SLC26A3: variants seen among roughly 807,000 people sequenced by gnomAD.
SLC26A3 encodes solute carrier family 26 member 3.
In SLC26A3, 64 loss-of-function variants were observed where a neutral mutation model predicts 85.6. The observed-to-expected ratio is 0.75, with a 90% CI of 0.61 to 0.92. The LOEUF is 0.92. SLC26A3 is among the 40% of genes least tolerant of loss of function. The pLI is 0.00. For missense variants in SLC26A3, 922 were observed against 927.3 expected (o/e 0.99, Z 0.07); for synonymous variants, 349 against 336.0 (o/e 1.04, Z -0.42).
At chr7:107,773,852 A>C in intron 17 of SLC26A3, 68 bp downstream of exon 17, 2 of 1,352,044 alleles carry the variant, frequency 1.5e-6, no homozygotes, top group Admixed American at 3.8e-5. Context: ...TGCCCAGCCC[A>C]CAAATACAAT....
chr7:107,779,706 C>T lies in SLC26A3; in HGVS notation c.1369G>A (p.Glu457Lys), dbSNP rs2115832531. 1 of 1,614,040 alleles carries T rather than the reference C, an allele frequency of 6.2e-7. No homozygotes were observed. Among genetic ancestry groups the T allele is most frequent in the African/African-American group, 1.3e-5 (1 of 75,028 alleles). Reference protein sequence around the residue: ...NLKGMLMQFAEIGRLWRKDKY... With the variant: ...NLKGMLMQFAKIGRLWRKDKY... Reference sequence around the variant, plus strand: ...TCCTTTCGCCACAATCTGCCTATTTCAGCAAACTGCATCAGCATTCCCTTT... The same window carrying T: ...TCCTTTCGCCACAATCTGCCTATTTTAGCAAACTGCATCAGCATTCCCTTT... The change falls in exon 12 of 21, where the codon GAA becomes AAA. Residue 457 changes from glutamate (E) to lysine (K), a missense_variant. By Grantham distance (56) the Glu-to-Lys change is moderately conservative. Coordinates refer to ENST00000340010, the MANE Select transcript of SLC26A3 (RefSeq NM_000111.3).
chr7:107,790,605 A>G (rs1794379148), intron 5 of SLC26A3, among the ~76,000 whole-genome samples: 1 of 152,174 alleles, frequency 6.6e-6, no homozygotes, highest in African/African-American at 2.4e-5. Flanking sequence ...CAAAATTGAC[A>G]TGAACAGTTC....
intron 17 of SLC26A3, among the ~76,000 whole-genome samples, chr7:107,773,714 C>A (rs1225321702): frequency 6.6e-6 from 1 of 152,196 alleles, no homozygotes; most frequent in Non-Finnish European, 1.5e-5. Context: ...CCACACCCAG[C>A]TGATTTTTGT....
At position 107,776,713 on chromosome 7, in the gene SLC26A3, G is replaced by A. The variant is rs767465815; in HGVS notation, c.1515-7C>T. 3.8e-5 allele frequency: 61 copies of A among 1,612,234 alleles called. No individual in the cohort carries two copies. Among genetic ancestry groups the A allele is most frequent in the Non-Finnish European group, 5.2e-5 (61 of 1,179,220 alleles). On this transcript the variant is annotated splice_region_variant and splice_polypyrimidine_tract_variant and intron_variant, in intron 13 of 20. Transcript: ENST00000340010. ...CAGCGTGCTGCATTTTGGACTGTAG[G>A]GAGAAAAACACCAAGTAAATCATTC...
chr7:107,800,230 C>T (rs1391444039), intron 1 of SLC26A3, among the ~76,000 whole-genome samples: 1 of 152,202 alleles, frequency 6.6e-6, no homozygotes, highest in African/African-American at 2.4e-5. Flanking sequence ...TGCAGTGGCT[C>T]ATGCCTGTAA....
At position 107,767,825 on chromosome 7, in the gene SLC26A3, C is replaced by T; in HGVS notation, c.2146G>A (p.Ala716Thr). The stretch of plus-strand genomic sequence containing the variant: ...TTCTTCATCAAAATATGCAAAACAG[C>T]ATCATGGATTGTTAAGAAAAATATT... ...SSIFFLTIHD[A>T]VLHILMKKDY... The change falls in exon 19 of 21, where the codon GCT becomes ACT. Residue 716 changes from alanine (A) to threonine (T), a missense_variant. Ala to Thr is a moderately conservative substitution (Grantham distance 58). Coordinates refer to ENST00000340010, the MANE Select transcript of SLC26A3 (RefSeq NM_000111.3). The T allele has an allele frequency of 2.5e-6, 4 of 1,613,520 alleles. No individual in the cohort carries two copies. Among genetic ancestry groups the T allele is most frequent in the Non-Finnish European group, 3.4e-6 (4 of 1,179,582 alleles).
At position 107,778,252 on chromosome 7, in the gene SLC26A3, G is replaced by A. The variant is rs1364717319; in HGVS notation, c.1437C>T (p.Thr479=). The change falls in exon 13 of 21, where the codon ACC becomes ACT. Residue 479 remains threonine, a synonymous_variant. Coordinates refer to ENST00000340010, the MANE Select transcript of SLC26A3 (RefSeq NM_000111.3). ...GGCCTAACCCGAGTCCCAGGACAAT[G>A]GTGAAGATGAAGGTCATGATCCAAA... The part of the protein sequence containing the change: ...CLIWIMTFIF[T]IVLGLGLGLA... 1.2e-6 allele frequency: 2 copies of A among 1,613,330 alleles called. No individual in the cohort carries two copies. The highest frequency in any genetic ancestry group is 1.7e-6 in the Non-Finnish European group (2 of 1,179,546).
At chr7:107,787,222 C>T in intron 7 of SLC26A3, 135 bp downstream of exon 7, 1 of 883,006 alleles carries the variant, frequency 1.1e-6, no homozygotes, top group Non-Finnish European at 1.8e-6. Flanking sequence ...AAAATAAAAC[C>T]ATGCTAAACA....
In SLC26A3 at chr7:107,776,839, A is replaced by G. The variant is rs1023861557; in HGVS notation, c.1515-133T>C. 7 of 790,548 alleles carry G rather than the reference A, an allele frequency of 8.9e-6. No homozygotes were observed. The Admixed American group carries it at 9.9e-5, about 11-fold the overall frequency. The allele number at this position is 790,548 out of a possible 1,614,324, so 49.0% of individuals were successfully genotyped here. A position where few individuals can be genotyped will look rare whatever the true frequency, so the allele number is the denominator to read the frequency against. On this transcript the variant is annotated intron_variant, in intron 13 of 20. Coordinates refer to ENST00000340010, the MANE Select transcript of SLC26A3 (RefSeq NM_000111.3). ...TAAAAGGTTGGGGAATCATCATGCC[A>G]TCAGAGACTCTGGAAGGTGAACACC...
chr7:107,766,723 T>C (rs1470629962), intron 20 of SLC26A3, among the ~76,000 whole-genome samples: 1 of 152,176 alleles, frequency 6.6e-6, no homozygotes, highest in Non-Finnish European at 1.5e-5. Context: ...AAATTCTTTC[T>C]CTGGTCCCTC....
chr7:107,781,576 G>T (rs1423029803), intron 11 of SLC26A3, among the ~76,000 whole-genome samples: 10 of 152,116 alleles, frequency 6.6e-5, no homozygotes, highest in Admixed American at 6.6e-4. Flanking sequence ...TTTTTATTGA[G>T]ATAACATTCT....
chr7:107,778,062 G>T, intron 13 of SLC26A3, 113 bp downstream of exon 13: 1 of 760,918 alleles, frequency 1.3e-6, no homozygotes, highest in Non-Finnish European at 2.3e-6. Flanking sequence ...CATCCTGATA[G>T]AAATGCACAC....
At position 107,794,237 on chromosome 7, in the gene SLC26A3, G is replaced by A; in HGVS notation, c.131+142C>T. On this transcript the variant is annotated intron_variant, in intron 2 of 20. Transcript: ENST00000340010. ...ACACTACCTTTCCAACTCTGTCAGG[G>A]AGTAGGAGGTTTGGAAACTAAAGAG... is the stretch of plus-strand genomic sequence containing the variant. 3 of 941,194 alleles carry A rather than the reference G, an allele frequency of 3.2e-6. No homozygotes were observed. The South Asian group carries it at 4.2e-5, about 13-fold the overall frequency. 58.3% of individuals were successfully genotyped at this position (941,194 alleles called of 1,614,324 possible).
chr7:107,800,085 C>A (rs953733125), intron 1 of SLC26A3, among the ~76,000 whole-genome samples: 11 of 152,202 alleles, frequency 7.2e-5, no homozygotes, highest in African/African-American at 2.7e-4. Context: ...TCCTCCTTCA[C>A]AATTGCAGCA....
chr7:107,788,051 T>C lies in SLC26A3; in HGVS notation c.736-542A>G, dbSNP rs138512625. 5.6e-3 allele frequency among the ~76,000 whole-genome samples: 847 copies of C among 152,312 alleles called. 9 individuals are homozygous for C. Among genetic ancestry groups the C allele is most frequent in the African/African-American group, 0.019 (789 of 41,578 alleles). ...ATGTGCACATACTTCTTGAAGCTAG[T>C]TGGGTTCCATATCCACTTACCCCAA... On this transcript the variant is annotated intron_variant, in intron 6 of 20. Transcript: ENST00000340010.
Position 107,786,832 on chromosome 7 carries a change from A to G in SLC26A3, c.966T>C (p.Asn322=). The G allele has an allele frequency of 6.2e-7, 1 of 1,613,430 alleles. No homozygotes were observed. Among genetic ancestry groups the G allele is most frequent in the South Asian group, 1.1e-5 (1 of 91,068 alleles). The part of the protein sequence containing the change: ...RFKVAVVGDM[N]PGFQPPITPD... Reference sequence around the variant, plus strand: ...ATCATCGAAGACACACTTACCCAGGATTCATGTCCCCAACCACAGCCACTT... The same window carrying G: ...ATCATCGAAGACACACTTACCCAGGGTTCATGTCCCCAACCACAGCCACTT... The change falls in exon 8 of 21, where the codon AAT becomes AAC. Residue 322 remains asparagine (N), a synonymous_variant. Transcript: ENST00000340010.
rs1196063427 is a variant in SLC26A3, at chr7:107,767,629, T to A, written c.2221A>T (p.Ile741Phe). ...CCATTTGTATTTATGGTAAAATCAA[T>A]TTTTCCATCTTTTTCCTGAGAAAAA... ...FNPSQEKDGK[I>F]DFTINTNGGL... The change falls in exon 20 of 21, where the codon ATT becomes TTT. Residue 741 changes from isoleucine to phenylalanine, a missense_variant. Ile to Phe is a conservative substitution (Grantham distance 21). Transcript: ENST00000340010. The A allele has an allele frequency of 6.2e-7, 1 of 1,610,160 alleles. No homozygotes were observed. Among genetic ancestry groups the A allele is most frequent in the Admixed American group, 1.7e-5 (1 of 59,912 alleles).
intron 6 of SLC26A3, among the ~76,000 whole-genome samples, chr7:107,789,113 C>CTTTTT (rs1444704449): frequency 5.6e-5 from 7 of 124,782 alleles, no homozygotes; most frequent in African/African-American, 2.1e-4. Flanking sequence ...CTTTTCTTTT[C>CTTTTT]TTTTTCTTTT....
At chr7:107,773,554 G>GT (rs946039840) in intron 17 of SLC26A3, among the ~76,000 whole-genome samples, 23 of 151,958 alleles carry the variant, frequency 1.5e-4, no homozygotes, top group Admixed American at 4.6e-4. Flanking sequence ...CACAAATACA[G>GT]TTTTTTTTGT....
Sources: allele counts gnomAD v4.1 joint callset (sites outside exome capture counted in the v4.1 genomes callset), GRCh38; gene constraint gnomAD v4.1.1; transcripts MANE v1.5; gene names NCBI Gene and HGNC (gene_info 2026-07-23, HGNC 2026-07-21).